THADA: variants seen among roughly 807,000 people sequenced by gnomAD.
The protein encoded by THADA is tRNA (32-2'-O)-methyltransferase regulator THADA.
A neutral mutation model predicts 219.8 loss-of-function variants in THADA; 213 were observed. The observed-to-expected ratio is 0.97, with a 90% CI of 0.87 to 1.09. The LOEUF is 1.09. THADA is among the 50% of genes least tolerant of loss of function. The probability of loss-of-function intolerance (pLI) is 0.00; values close to 1 mark genes in which losing one functional copy is unlikely to be tolerated. For missense variants in THADA, 2,956 were observed against 2,311.3 expected, an observed-to-expected ratio of 1.28 and a Z score of -5.72; for synonymous variants, 1,018 against 828.9, an observed-to-expected ratio of 1.23 and a Z score of -3.92.
At chr2:43,430,547 T>C in intron 26 of THADA, 3 of 513,142 alleles carry the variant, frequency 5.8e-6, no homozygotes, top group South Asian at 3.4e-5. Context: ...TTACAAATAT[T>C]TGATATTAAA....
In THADA at chr2:43,528,126, CTTTTTTTT is replaced by C. The variant is rs367822642; in HGVS notation, c.3265-146_3265-139del. 1.9e-4 allele frequency: 30 copies of C among 162,112 alleles called. No homozygotes were observed. In the East Asian group the frequency reaches 3.6e-3, roughly 20 times the overall value. 10.0% of individuals were successfully genotyped at this position (162,112 alleles called of 1,614,324 possible). A position where few individuals can be genotyped will look rare whatever the true frequency, so the allele number is the denominator to read the frequency against. ...ACCATATGACAGAACATGTTTTAAG[CTTTTTTTT>C]TTTTTTTTTTTTTTGAGATGGATTT... On this transcript the variant is annotated intron_variant, in intron 21 of 37. Coordinates refer to ENST00000405975, the MANE Select transcript of THADA (RefSeq NM_022065.5).
chr2:43,549,415 T>G, intron 19 of THADA, 47 bp from the exon 20 acceptor site: 1 of 1,540,504 alleles, frequency 6.5e-7, no homozygotes, highest in African/African-American at 1.4e-5. Context: ...ACACATCACA[T>G]GCCAGATTTC....
At chr2:43,528,392 A>C (rs111898797) in intron 21 of THADA, among the ~76,000 whole-genome samples, 15,618 of 152,118 alleles carry the variant, frequency 0.1, 861 homozygotes, top group South Asian at 0.14. Context: ...GGTCTCCCAA[A>C]GTGCTGGGAT....
chr2:43,349,087 C>A (rs1411296274), intron 29 of THADA, among the ~76,000 whole-genome samples: 1 of 152,142 alleles, frequency 6.6e-6, no homozygotes, highest in Non-Finnish European at 1.5e-5. Context: ...CAGCATCATC[C>A]ATGACTATCA....
At chr2:43,532,507 A>T (rs996217336) in intron 21 of THADA, among the ~76,000 whole-genome samples, 4 of 152,144 alleles carry the variant, frequency 2.6e-5, no homozygotes, top group African/African-American at 9.6e-5. Context: ...AAACCACATG[A>T]TTATCTCAAT....
chr2:43,465,042 A>G (rs1228935293), intron 26 of THADA, among the ~76,000 whole-genome samples: 1 of 152,170 alleles, frequency 6.6e-6, no homozygotes, highest in African/African-American at 2.4e-5. Context: ...TTAACATATT[A>G]TAATTTCCTC....
At chr2:43,303,584 A>G (rs572585733) in intron 31 of THADA, among the ~76,000 whole-genome samples, 7 of 152,296 alleles carry the variant, frequency 4.6e-5, no homozygotes, top group Admixed American at 2.0e-4. Flanking sequence ...AAAAATCAAT[A>G]TAATTTTTAA....
At chr2:43,522,501 A>G (rs1057293280) in intron 22 of THADA, among the ~76,000 whole-genome samples, 24 of 152,232 alleles carry the variant, frequency 1.6e-4, no homozygotes, top group African/African-American at 5.5e-4. Context: ...TGGTTCTCTC[A>G]ATTATTTAAT....
chr2:43,273,167 T>C lies in THADA; in HGVS notation c.5296+6598A>G, dbSNP rs201775357. Among the ~76,000 whole-genome samples the C allele has an allele frequency of 7.9e-5, 12 of 151,886 alleles. No individual in the cohort carries two copies. The East Asian group carries it at 2.3e-3, about 30-fold the overall frequency. On this transcript the variant is annotated intron_variant, in intron 36 of 37. Transcript: ENST00000405975. ...AGGAGGCTGAGGCAGGACAATCGCT[T>C]GAACCCGGGAGGCGGAGGTTGCAGT...
chr2:43,586,323 A>C (rs1387507111), intron 7 of THADA, 78 bp downstream of exon 7: 1 of 1,192,612 alleles, frequency 8.4e-7, no homozygotes, highest in Non-Finnish European at 1.2e-6. Context: ...ACATTCTGAG[A>C]CTTTTAAATT....
intron 36 of THADA, among the ~76,000 whole-genome samples, chr2:43,274,465 C>G (rs183340025): frequency 2.0e-5 from 3 of 152,112 alleles, no homozygotes; most frequent in Non-Finnish European, 4.4e-5. Flanking sequence ...CACTGTGTAC[C>G]TAATAGAAAA....
chr2:43,231,834 CA>C (rs1289050199), intron 37 of THADA, among the ~76,000 whole-genome samples: 1 of 152,164 alleles, frequency 6.6e-6, no homozygotes, highest in African/African-American at 2.4e-5. Context: ...ACCATGTCTC[CA>C]AATTTCTCAT....
Position 43,505,737 on chromosome 2 carries a change from T to C in THADA, c.3508-2A>G, listed in dbSNP as rs1689592657. 1 of 1,568,790 alleles carries C rather than the reference T, an allele frequency of 6.4e-7. No homozygotes were observed. Among genetic ancestry groups the C allele is most frequent in the Non-Finnish European group, 8.7e-7 (1 of 1,153,266 alleles). The stretch of plus-strand genomic sequence containing the variant: ...CTTTGGTTCAGATGCCAACAGTGCC[T>C]ATGGAAAAAGAATGCAAAAATTAAC... On this transcript the variant is annotated splice_acceptor_variant, in intron 23 of 37. Transcript: ENST00000405975. LOFTEE classifies it high-confidence loss of function.
At chr2:43,460,336 G>C (rs190516232) in intron 26 of THADA, among the ~76,000 whole-genome samples, 3 of 148,094 alleles carry the variant, frequency 2.0e-5, no homozygotes, top group African/African-American at 7.5e-5. Flanking sequence ...GCATAAGAAA[G>C]AGTTGGCAGT....
intron 29 of THADA, among the ~76,000 whole-genome samples, chr2:43,354,746 C>A (rs1166899050): frequency 1.3e-5 from 2 of 152,036 alleles, no homozygotes; most frequent in African/African-American, 4.8e-5. Flanking sequence ...ATTTTCTTTA[C>A]CATTTGATAT....
intron 24 of THADA, among the ~76,000 whole-genome samples, chr2:43,505,399 A>G (rs1008390543): frequency 3.3e-5 from 5 of 152,324 alleles, no homozygotes; most frequent in Admixed American, 2.6e-4. Context: ...CTTTATCTCC[A>G]GCAGAAACTT....
At chr2:43,430,836 G>A (rs1558749059) in intron 26 of THADA, among the ~76,000 whole-genome samples, 1 of 152,160 alleles carries the variant, frequency 6.6e-6, no homozygotes, top group Non-Finnish European at 1.5e-5. Context: ...CAACAATCAT[G>A]ACAATGAAAA....
intron 30 of THADA, among the ~76,000 whole-genome samples, chr2:43,325,862 G>A (rs929515691): frequency 1.3e-5 from 2 of 152,076 alleles, no homozygotes; most frequent in Non-Finnish European, 2.9e-5. Flanking sequence ...ATAATTGACT[G>A]GTCTAGCTTT....
At chr2:43,593,115 T>G (rs956939500) in intron 1 of THADA, among the ~76,000 whole-genome samples, 2 of 152,074 alleles carry the variant, frequency 1.3e-5, no homozygotes, top group African/African-American at 4.8e-5. Flanking sequence ...ATGATGCAAA[T>G]ATTAGAGACT....
Sources: gnomAD v4.1 joint callset for allele counts (sites outside exome capture counted in the v4.1 genomes callset) on GRCh38, gnomAD v4.1.1 for gene constraint, MANE v1.5 for transcripts, NCBI Gene and HGNC (gene_info 2026-07-23, HGNC 2026-07-21) for gene names.